SGMS1: variants seen among roughly 807,000 people sequenced by gnomAD.
The protein encoded by SGMS1 is sphingomyelin synthase 1.
SGMS1 carries 13 observed loss-of-function variants against 46.2 expected under a neutral mutation model. The ratio of observed to expected loss-of-function variants is 0.28; its 90% confidence interval spans 0.18 to 0.45. The LOEUF (loss-of-function observed/expected upper bound fraction) is 0.45, where lower values mean the gene tolerates loss of function less well. Ranked by LOEUF, SGMS1 falls within the 20% of genes least tolerant of loss-of-function variation. SGMS1 has a pLI of 1.00. For synonymous variants in SGMS1, 203 were observed against 187.8 expected, an observed-to-expected ratio of 1.08 and a Z score of -0.66; for missense variants, 324 against 519.9, an observed-to-expected ratio of 0.62 and a Z score of 3.66.
intron 1 of SGMS1, chr10:50,590,794 T>C (rs114141007): frequency 1.0e-3 from 156 of 152,300 alleles, no homozygotes; most frequent in African/African-American, 3.7e-3. Flanking sequence ...TTATTCCCTA[T>C]AGTCACCATG....
chr10:50,395,837 G>A lies in SGMS1; in HGVS notation c.-232+37639C>T, dbSNP rs1349819897. Among the ~76,000 whole-genome samples the A allele has an allele frequency of 2.0e-5, 3 of 152,234 alleles. No individual in the cohort carries two copies. In the East Asian group the frequency reaches 5.8e-4, roughly 29 times the overall value. On this transcript the variant is annotated intron_variant, in intron 6 of 10. Transcript: ENST00000361781. ...CGATGAAGGATTATGGGTGGGGCTT[G>A]TGCAGGAAAGACAAGAAATGGCACA...
At chr10:50,315,383 AG>A (rs142907691) in intron 8 of SGMS1, among the ~76,000 whole-genome samples, 2,333 of 152,292 alleles carry the variant, frequency 0.015, 65 homozygotes, top group African/African-American at 0.054. Context: ...CCAGAAAGAG[AG>A]GGATTCCCTT....
chr10:50,522,036 C>T (rs963511543), intron 2 of SGMS1, among the ~76,000 whole-genome samples: 2 of 152,176 alleles, frequency 1.3e-5, no homozygotes, highest in Non-Finnish European at 2.9e-5. Flanking sequence ...AAACTTTATA[C>T]TGTGATGGCT....
chr10:50,382,968 T>C (rs1404399426), intron 6 of SGMS1, among the ~76,000 whole-genome samples: 2 of 152,210 alleles, frequency 1.3e-5, no homozygotes, highest in East Asian at 1.9e-4. Context: ...GGTCAAAGTT[T>C]GTAAAGTCTT....
chr10:50,444,800 G>A (rs765957269), intron 5 of SGMS1, among the ~76,000 whole-genome samples: 10 of 151,964 alleles, frequency 6.6e-5, no homozygotes, highest in Admixed American at 2.0e-4. Flanking sequence ...TTAGGAAAAC[G>A]TAGAACAATG....
intron 7 of SGMS1, chr10:50,336,035 T>C (rs1307251743): frequency 6.6e-6 from 1 of 152,194 alleles, no homozygotes; most frequent in Non-Finnish European, 1.5e-5. Context: ...AGACCACCAG[T>C]TCACCAACAT....
chr10:50,606,676 A>G (rs1282432919), intron 1 of SGMS1, among the ~76,000 whole-genome samples: 1 of 152,266 alleles, frequency 6.6e-6, no homozygotes, highest in East Asian at 1.9e-4. Context: ...AGCAGGATGC[A>G]TTCTTCAAAT....
chr10:50,312,106 T>C (rs1290936872), intron 8 of SGMS1, among the ~76,000 whole-genome samples: 1 of 152,196 alleles, frequency 6.6e-6, no homozygotes, highest in Non-Finnish European at 1.5e-5. Context: ...AATGTGTAAC[T>C]GTCTATATTT....
chr10:50,384,082 T>C (rs1384680824), intron 6 of SGMS1, among the ~76,000 whole-genome samples: 1 of 152,154 alleles, frequency 6.6e-6, no homozygotes, highest in Non-Finnish European at 1.5e-5. Context: ...AGCTAGCACC[T>C]GGATCATGGA....
chr10:50,615,752 C>T (rs1050636399), intron 1 of SGMS1, among the ~76,000 whole-genome samples: 12 of 152,200 alleles, frequency 7.9e-5, no homozygotes, highest in African/African-American at 2.9e-4. Context: ...GTTTCTCCAG[C>T]GCCTTCTCCC....
At chr10:50,485,941 C>T (rs560767815) in intron 3 of SGMS1, among the ~76,000 whole-genome samples, 1 of 152,040 alleles carries the variant, frequency 6.6e-6, no homozygotes, top group East Asian at 1.9e-4. Context: ...AGAGGCATCA[C>T]ACTGCCCAAC....
At chr10:50,616,568 C>T (rs954503125) in intron 1 of SGMS1, among the ~76,000 whole-genome samples, 13 of 152,156 alleles carry the variant, frequency 8.5e-5, no homozygotes, top group African/African-American at 2.2e-4. Context: ...CCTCCCTAAG[C>T]GGCGGGGGGT....
intron 2 of SGMS1, among the ~76,000 whole-genome samples, chr10:50,556,508 C>A (rs1221657178): frequency 6.6e-6 from 1 of 152,090 alleles, no homozygotes; most frequent in East Asian, 1.9e-4. Context: ...CCAGGGAAAG[C>A]GGAAACAGGT....
chr10:50,400,028 CAA>C (rs55712391), intron 6 of SGMS1, among the ~76,000 whole-genome samples: 5 of 107,170 alleles, frequency 4.7e-5, no homozygotes, highest in Non-Finnish European at 5.8e-5. Context: ...GACTCCTTCT[CAA>C]AAAAAAAAAA....
intron 1 of SGMS1, among the ~76,000 whole-genome samples, chr10:50,597,568 TA>T (rs1838606319): frequency 6.6e-6 from 1 of 152,200 alleles, no homozygotes; most frequent in Non-Finnish European, 1.5e-5. Flanking sequence ...GAAAAAATTA[TA>T]AAGGCAGAGA....
At chr10:50,312,006 T>A (rs1847261754) in intron 8 of SGMS1, among the ~76,000 whole-genome samples, 1 of 152,182 alleles carries the variant, frequency 6.6e-6, no homozygotes, top group African/African-American at 2.4e-5. Flanking sequence ...TTAATTTACC[T>A]GTCTATGATA....
intron 2 of SGMS1, among the ~76,000 whole-genome samples, chr10:50,554,291 G>A (rs532458704): frequency 5.9e-5 from 9 of 152,166 alleles, no homozygotes; most frequent in African/African-American, 1.7e-4. Context: ...ACAAAAACCC[G>A]TTCCGGTCTG....
chr10:50,414,353 G>A (rs909218149), intron 6 of SGMS1, among the ~76,000 whole-genome samples: 1 of 152,204 alleles, frequency 6.6e-6, no homozygotes, highest in East Asian at 1.9e-4. Context: ...TCATGATGCT[G>A]CACTCCAGCC....
chr10:50,620,831 G>C (rs1424437011), intron 1 of SGMS1, among the ~76,000 whole-genome samples: 2 of 152,186 alleles, frequency 1.3e-5, no homozygotes, highest in Non-Finnish European at 2.9e-5. Flanking sequence ...TGTATAAAAT[G>C]AAGTTTTCTA....
Sources: allele counts gnomAD v4.1 joint callset (sites outside exome capture counted in the v4.1 genomes callset), GRCh38; gene constraint gnomAD v4.1.1; transcripts MANE v1.5; gene names NCBI Gene and HGNC (gene_info 2026-07-23, HGNC 2026-07-21).